Variants in ITSN1 observed in about 807,000 individuals in gnomAD.
The protein encoded by ITSN1 is intersectin-1.
A neutral mutation model predicts 239.8 loss-of-function variants in ITSN1; 58 were observed. The observed-to-expected ratio is 0.24, with a 90% CI of 0.20 to 0.30. The LOEUF is 0.30. Among genes scored for constraint, ITSN1 ranks in the 10% least tolerant of loss-of-function variants. The probability of loss-of-function intolerance (pLI) is 1.00; values close to 1 mark genes in which losing one functional copy is unlikely to be tolerated. For synonymous variants in ITSN1, 780 were observed against 770.8 expected (o/e 1.01, Z -0.20); for missense variants, 1,558 against 2,103.3 (o/e 0.74, Z 5.07).
Position 33,865,326 on chromosome 21 carries a change from T to G in ITSN1, c.4066T>G (p.Phe1356Val). 6.4e-7 allele frequency: 1 copy of G among 1,561,042 alleles called. No individual in the cohort carries two copies. Reference protein sequence around the residue: ...KTDEAPDFKEFVKRLAMDPRC... With the variant: ...KTDEAPDFKEVVKRLAMDPRC... Reference sequence around the variant, plus strand: ...GGATGAGGCCCCAGACTTCAAGGAGTTCGTCAAAGTAAGGAGCCAGGCTGT... The same window carrying G: ...GGATGAGGCCCCAGACTTCAAGGAGGTCGTCAAAGTAAGGAGCCAGGCTGT... The change falls in exon 32 of 40, where the codon TTC (phenylalanine) becomes GTC (valine). Residue 1356 changes from phenylalanine to valine, a missense_variant. By Grantham distance (50) the Phe-to-Val change is conservative. Coordinates refer to ENST00000381318, the MANE Select transcript of ITSN1 (RefSeq NM_003024.3). The surrounding 1 kb of genome is among the most constrained non-coding windows in gnomAD (Gnocchi z 4.4).
At chr21:33,656,699 ATTTATTTATTTATTTG>A (rs1284379619) in intron 1 of ITSN1, among the ~76,000 whole-genome samples, 12 of 151,206 alleles carry the variant, frequency 7.9e-5, no homozygotes, top group Admixed American at 3.3e-4. Flanking sequence ...CACTTGTTTT[ATTTATTTATTTATTTG>A]TTTATTTATT....
chr21:33,804,854 CA>C (rs536417764), intron 20 of ITSN1, among the ~76,000 whole-genome samples: 1 of 151,616 alleles, frequency 6.6e-6, no homozygotes, highest in African/African-American at 2.4e-5. Flanking sequence ...TGATGAACTT[CA>C]AAAAAAAGCT....
intron 2 of ITSN1, among the ~76,000 whole-genome samples, 154 bp from the exon 3 acceptor site, chr21:33,721,024 T>G (rs1203280290): frequency 6.6e-6 from 1 of 152,256 alleles, no homozygotes; most frequent in Non-Finnish European, 1.5e-5. Context: ...TTTCTAACTT[T>G]ATATGCATAA....
chr21:33,870,932 A>G (rs1982596932), intron 33 of ITSN1, among the ~76,000 whole-genome samples: 1 of 152,172 alleles, frequency 6.6e-6, no homozygotes, highest in Admixed American at 6.5e-5. Flanking sequence ...AATCCCCCTG[A>G]GTCATGCAGG....
At chr21:33,653,369 T>C (rs1441470872) in intron 1 of ITSN1, among the ~76,000 whole-genome samples, 2 of 152,204 alleles carry the variant, frequency 1.3e-5, no homozygotes, top group Non-Finnish European at 2.9e-5. Flanking sequence ...CTGGCATTGC[T>C]CTAGGTGAGT....
rs1207748085 is a variant in ITSN1, at chr21:33,895,757, G to T, written c.*7457G>T. On this transcript the variant is annotated 3_prime_UTR_variant, in exon 40 of 40. Coordinates refer to ENST00000381318, the MANE Select transcript of ITSN1 (RefSeq NM_003024.3). Reference sequence around the variant, plus strand: ...TGCGTGTGTACCTACCCACACCTAGGGGGATGCATGGCTCTGTGCCTTGGA... The same window carrying T: ...TGCGTGTGTACCTACCCACACCTAGTGGGATGCATGGCTCTGTGCCTTGGA... 6.6e-6 allele frequency: 1 copy of T among 152,324 alleles called. No individual in the cohort carries two copies. Among genetic ancestry groups the T allele is most frequent in the African/African-American group, 2.4e-5 (1 of 41,434 alleles). 9.4% of individuals were successfully genotyped at this position (152,324 alleles called of 1,614,324 possible).
At chr21:33,685,262 C>T (rs904166801) in intron 1 of ITSN1, among the ~76,000 whole-genome samples, 5 of 152,254 alleles carry the variant, frequency 3.3e-5, no homozygotes, top group South Asian at 2.1e-4. Flanking sequence ...ATATACTCGG[C>T]GTTCAGGGAA....
At chr21:33,829,871 T>C in intron 27 of ITSN1, 126 bp downstream of exon 27, 1 of 1,064,026 alleles carries the variant, frequency 9.4e-7, no homozygotes, top group Non-Finnish European at 1.3e-6. Flanking sequence ...ATTTGGATAG[T>C]GAGAGATGCC....
intron 34 of ITSN1, among the ~76,000 whole-genome samples, chr21:33,876,104 T>C (rs1983722646): frequency 4.4e-5 from 1 of 22,944 alleles, no homozygotes; most frequent in African/African-American, 1.8e-4. Flanking sequence ...TTTCTTTCCT[T>C]CTTTCTTTCT....
chr21:33,712,035 A>G (rs2092432572), intron 1 of ITSN1, among the ~76,000 whole-genome samples: 1 of 152,128 alleles, frequency 6.6e-6, no homozygotes, highest in Non-Finnish European at 1.5e-5. Flanking sequence ...TTCTTTTTAA[A>G]CTAGTTTTTC....
intron 20 of ITSN1, among the ~76,000 whole-genome samples, chr21:33,804,588 G>C (rs968704520): frequency 1.3e-5 from 2 of 152,214 alleles, no homozygotes; most frequent in South Asian, 4.1e-4. Flanking sequence ...CTAAGGCTTA[G>C]ATGCGTAGAA....
chr21:33,755,811 CTCAGATA>C (rs139850124), intron 8 of ITSN1, among the ~76,000 whole-genome samples: 5,874 of 152,186 alleles, frequency 0.039, 387 homozygotes, highest in African/African-American at 0.14. Flanking sequence ...ATGGCTCTGT[CTCAGATA>C]ACTGCCTAGA....
At chr21:33,838,575 A>G (rs1177757712) in intron 29 of ITSN1, 2 of 430,530 alleles carry the variant, frequency 4.6e-6, no homozygotes, top group Admixed American at 6.4e-5. Context: ...GATGTCAGCA[A>G]TGGGCCTGCT....
intron 1 of ITSN1, among the ~76,000 whole-genome samples, chr21:33,704,829 C>T (rs1203355443): frequency 6.6e-6 from 1 of 150,826 alleles, no homozygotes; most frequent in Non-Finnish European, 1.5e-5. Flanking sequence ...TGGCTCACAC[C>T]TGTAATCCCA....
intron 4 of ITSN1, among the ~76,000 whole-genome samples, chr21:33,731,881 GC>G (rs2066209760): frequency 6.6e-6 from 1 of 152,148 alleles, no homozygotes; most frequent in African/African-American, 2.4e-5. Context: ...GTCACCAATG[GC>G]CTGTGACACA....
chr21:33,715,966 A>C (rs555258051), intron 1 of ITSN1, among the ~76,000 whole-genome samples: 3 of 152,326 alleles, frequency 2.0e-5, no homozygotes, highest in Non-Finnish European at 4.4e-5. Flanking sequence ...ATCTTAATTC[A>C]TAAGGAGAAA....
chr21:33,701,514 T>C lies in ITSN1; in HGVS notation c.-32-17283T>C, dbSNP rs1484133625. Reference sequence around the variant, plus strand: ...CCCTTTAATTTTTAAAAAATTTGGCTGGGCATGGTGACGCACGCCTGTAAT... The same window carrying C: ...CCCTTTAATTTTTAAAAAATTTGGCCGGGCATGGTGACGCACGCCTGTAAT... On this transcript the variant is annotated intron_variant, in intron 1 of 39. Transcript: ENST00000381318. Among the ~76,000 whole-genome samples, 4 of 152,024 alleles carry C rather than the reference T, an allele frequency of 2.6e-5. No homozygotes were observed. In the East Asian group the frequency reaches 5.8e-4, roughly 22 times the overall value.
rs2073494825 is a variant in ITSN1, at chr21:33,819,294, C to T, written c.2987C>T (p.Pro996Leu). 1 of 1,614,098 alleles carries T rather than the reference C, an allele frequency of 6.2e-7. No homozygotes were observed. The highest frequency in any genetic ancestry group is 1.1e-5 in the South Asian group (1 of 91,078). Residue 996 changes from proline (P) to leucine (L), a missense_variant, in exon 24 of 40, where the codon CCA becomes CTA. Transcript: ENST00000381318. ...SPASLKRVAS[P>L]AAKPVVSGEE... ...GCTAGTCTAAAGCGAGTAGCCTCTCCAGCAGCCAAGCCGGTCGTTTCGGGA... is the reference window on the plus strand; with the variant it reads ...GCTAGTCTAAAGCGAGTAGCCTCTCTAGCAGCCAAGCCGGTCGTTTCGGGA...
chr21:33,780,752 T>TAA (rs1644087401), intron 14 of ITSN1, among the ~76,000 whole-genome samples: 1 of 152,222 alleles, frequency 6.6e-6, no homozygotes, highest in Admixed American at 6.5e-5. Context: ...AGGCTGCCAT[T>TAA]TTACTGAAAC....
Sources: gnomAD v4.1 joint callset for allele counts (sites outside exome capture counted in the v4.1 genomes callset) on GRCh38, gnomAD v4.1.1 for gene constraint, Gnocchi (gnomAD v3.1) non-coding constraint, MANE v1.5 for transcripts, NCBI Gene and HGNC (gene_info 2026-07-23, HGNC 2026-07-21) for gene names.